The following ALOX5 variants were observed in gnomAD, a reference collection of about 807,000 sequenced individuals.
ALOX5 encodes the protein arachidonate 5-lipoxygenase.
ALOX5 carries 64 observed loss-of-function variants against 87.9 expected under a neutral mutation model. That is an observed-to-expected ratio of 0.73 (90% CI 0.60 to 0.90). ALOX5 has a LOEUF of 0.90. Ranked by LOEUF, ALOX5 falls within the 40% of genes least tolerant of loss-of-function variation. ALOX5 has a pLI of 0.00. For missense variants in ALOX5, 822 were observed against 907.5 expected (o/e 0.91, Z 1.21); for synonymous variants, 388 against 355.1 (o/e 1.09, Z -1.04).
intron 7 of ALOX5, among the ~76,000 whole-genome samples, chr10:45,437,392 T>G (rs1842091263): frequency 1.3e-5 from 2 of 152,208 alleles, no homozygotes; most frequent in Non-Finnish European, 2.9e-5. Flanking sequence ...ACTGATTTTG[T>G]ATCTTGAGTG....
chr10:45,392,028 G>A (rs1425499621), intron 2 of ALOX5, among the ~76,000 whole-genome samples: 7 of 151,432 alleles, frequency 4.6e-5, no homozygotes, highest in African/African-American at 1.2e-4. Context: ...CGCCCCGTCC[G>A]GGAGGGGAGG....
chr10:45,433,188 A>C (rs1274206083), intron 7 of ALOX5, among the ~76,000 whole-genome samples: 1 of 152,234 alleles, frequency 6.6e-6, no homozygotes, highest in Non-Finnish European at 1.5e-5. Context: ...TGCTCTGCTC[A>C]TGAGTTGTTG....
intron 2 of ALOX5, among the ~76,000 whole-genome samples, chr10:45,393,542 A>G (rs1333729397): frequency 6.6e-6 from 1 of 152,218 alleles, no homozygotes; most frequent in Non-Finnish European, 1.5e-5. Flanking sequence ...GAAAACTGGC[A>G]CAAGACAGGG....
chr10:45,444,438 C>T, intron 13 of ALOX5, 152 bp downstream of exon 13: 2 of 1,075,570 alleles, frequency 1.9e-6, no homozygotes, highest in Non-Finnish European at 2.6e-6. Context: ...CTGCAGCCGC[C>T]ACCAGGTCCC....
chr10:45,441,796 C>T (rs1170794205), intron 9 of ALOX5, among the ~76,000 whole-genome samples: 2 of 152,056 alleles, frequency 1.3e-5, no homozygotes, highest in Non-Finnish European at 2.9e-5. Context: ...ACACCCCTGC[C>T]ACCCTGACCT....
chr10:45,441,531 G>C, intron 9 of ALOX5, 101 bp downstream of exon 9: 1 of 1,227,816 alleles, frequency 8.1e-7, no homozygotes, highest in Non-Finnish European at 1.2e-6. Flanking sequence ...GCCTGGAAGG[G>C]TGAAGGCTGG....
intron 4 of ALOX5, 42 bp downstream of exon 4, chr10:45,412,355 G>A: frequency 4.3e-6 from 7 of 1,610,568 alleles, no homozygotes; most frequent in Non-Finnish European, 5.9e-6. Flanking sequence ...AGCCCCTCCA[G>A]TGGCTGGTGC....
At chr10:45,382,286 T>C (rs1245368831) in intron 1 of ALOX5, among the ~76,000 whole-genome samples, 197 bp from the exon 2 acceptor site, 2 of 152,230 alleles carry the variant, frequency 1.3e-5, no homozygotes, top group Non-Finnish European at 2.9e-5. Flanking sequence ...ACATCTTTCA[T>C]AGGGGACTTT....
rs367766299 is a variant in ALOX5 at position 45,440,474 on chromosome 10, G to A, written c.1026G>A (p.Ser342=). 1.7e-5 allele frequency: 28 copies of A among 1,614,050 alleles called. No individual in the cohort carries two copies. The highest frequency in any genetic ancestry group is 5.3e-5 in the African/African-American group (4 of 74,908). The change falls in exon 8 of 14, where the codon TCG becomes TCA. Residue 342 remains serine, a synonymous_variant. Coordinates refer to ENST00000374391, the MANE Select transcript of ALOX5 (RefSeq NM_000698.5). ...ATGAGAACCCTATTTTCCTCCCTTC[G>A]GATGCAAAATACGACTGGCTTTTGG... ...PGDENPIFLP[S]DAKYDWLLAK... is the part of the protein sequence containing the mutation.
At chr10:45,419,403 G>A (rs1314537004) in intron 4 of ALOX5, among the ~76,000 whole-genome samples, 1 of 152,172 alleles carries the variant, frequency 6.6e-6, no homozygotes, top group Non-Finnish European at 1.5e-5. Flanking sequence ...GGGCTGAGAA[G>A]AGAAGCTGAC....
At chr10:45,419,543 T>G (rs898620833) in intron 4 of ALOX5, among the ~76,000 whole-genome samples, 2 of 152,176 alleles carry the variant, frequency 1.3e-5, no homozygotes, top group African/African-American at 4.8e-5. Flanking sequence ...TGCCCCGTGC[T>G]CCAGACGACC....
chr10:45,387,237 C>T (rs1166733264), intron 2 of ALOX5, among the ~76,000 whole-genome samples: 2 of 152,174 alleles, frequency 1.3e-5, no homozygotes, highest in Admixed American at 1.3e-4. Flanking sequence ...CCATCTAGGA[C>T]ACTGCACTCT....
At chr10:45,436,139 A>G (rs1831445979) in intron 7 of ALOX5, among the ~76,000 whole-genome samples, 1 of 152,056 alleles carries the variant, frequency 6.6e-6, no homozygotes, top group African/African-American at 2.4e-5. Context: ...AGTTCCTCAT[A>G]GATTCTGGGT....
At chr10:45,436,523 T>C (rs1842065554) in intron 7 of ALOX5, among the ~76,000 whole-genome samples, 1 of 152,190 alleles carries the variant, frequency 6.6e-6, no homozygotes, top group Non-Finnish European at 1.5e-5. Context: ...TTCCTTATTG[T>C]TTATTTTTGT....
intron 4 of ALOX5, among the ~76,000 whole-genome samples, chr10:45,417,316 C>T (rs557866926): frequency 2.6e-5 from 4 of 152,294 alleles, no homozygotes; most frequent in African/African-American, 9.6e-5. Context: ...GCCCACTCTG[C>T]ACAAACTGTG....
intron 3 of ALOX5, among the ~76,000 whole-genome samples, chr10:45,401,843 T>C (rs1039337637): frequency 2.6e-5 from 4 of 152,162 alleles, no homozygotes; most frequent in Admixed American, 2.6e-4. Flanking sequence ...CTTTAACCAT[T>C]TGGGAGGCTG....
intron 7 of ALOX5, among the ~76,000 whole-genome samples, chr10:45,434,603 A>T (rs904217362): frequency 5.3e-5 from 8 of 152,250 alleles, no homozygotes; most frequent in African/African-American, 1.9e-4. Flanking sequence ...TATCTGTCGT[A>T]TACAAATAGC....
At chr10:45,380,897 GAGCCACTGCACTCC>G (rs1839801813) in intron 1 of ALOX5, among the ~76,000 whole-genome samples, 2 of 152,164 alleles carry the variant, frequency 1.3e-5, no homozygotes, top group Admixed American at 1.3e-4. Flanking sequence ...AGCCGAGATC[GAGCCACTGCACTCC>G]AGCCTGAGCA....
At chr10:45,407,148 G>A (rs1347407301) in intron 3 of ALOX5, among the ~76,000 whole-genome samples, 1 of 152,020 alleles carries the variant, frequency 6.6e-6, no homozygotes, top group African/African-American at 2.4e-5. Flanking sequence ...ATGACAATAT[G>A]AGAGGCTTAG....
Sources: allele counts gnomAD v4.1 joint callset (sites outside exome capture counted in the v4.1 genomes callset), GRCh38; gene constraint gnomAD v4.1.1; transcripts MANE v1.5; gene names NCBI Gene and HGNC (gene_info 2026-07-23, HGNC 2026-07-21).